Variants in EPC1 observed in about 807,000 individuals in gnomAD.
EPC1 encodes enhancer of polycomb 1, also known as enhancer of polycomb homolog 1.
In EPC1, 12 loss-of-function variants were observed where a neutral mutation model predicts 98.4. The ratio of observed to expected loss-of-function variants is 0.12; its 90% CI spans 0.08 to 0.20. EPC1 has a LOEUF of 0.20. EPC1 is among the 10% of genes least tolerant of loss of function. The probability of loss-of-function intolerance (pLI) is 1.00; values close to 1 mark genes in which losing one functional copy is unlikely to be tolerated. For synonymous variants in EPC1, 357 were observed against 363.9 expected (o/e 0.98, Z 0.21); for missense variants, 729 against 990.5 (o/e 0.74, Z 3.54).
Position 32,305,779 on chromosome 10 carries a change from G to A in EPC1, c.306C>T (p.His102=), listed in dbSNP as rs1189650741. Residue 102 remains histidine, a synonymous_variant, in exon 2 of 14, where the codon CAC becomes CAT. Transcript: ENST00000319778. ...GEFKMPKQLI[H]IQPFSLDAEQ... The stretch of plus-strand genomic sequence containing the variant: ...AAGAGAATCATTACTTACGCTGTAT[G>A]TGAATGAGCTGCTTTGGCATCTTAA... 7 of 1,599,156 alleles carry A rather than the reference G, an allele frequency of 4.4e-6. No homozygotes were observed. The South Asian group carries it at 4.6e-5, about 10-fold the overall frequency.
chr10:32,378,509 A>G, exon 1 of EPC1: 1 of 1,543,740 alleles, frequency 6.5e-7, no homozygotes. Flanking sequence ...CAGGCAAAGA[A>G]GACGGCAGTT....
At chr10:32,296,764 G>T (rs552111415) in intron 2 of EPC1, among the ~76,000 whole-genome samples, 22 of 152,186 alleles carry the variant, frequency 1.4e-4, no homozygotes, top group Admixed American at 1.3e-3. Flanking sequence ...AAATTTAGCT[G>T]GGCGTGGTGG....
chr10:32,329,963 G>A (rs1392878638), intron 1 of EPC1, among the ~76,000 whole-genome samples: 1 of 152,198 alleles, frequency 6.6e-6, no homozygotes. Context: ...CAACCCACAG[G>A]GGAATGGTGT....
chr10:32,376,971 C>A (rs1839883878), intron 1 of EPC1: 1 of 152,080 alleles, frequency 6.6e-6, no homozygotes, highest in South Asian at 2.1e-4. Context: ...TTTACAGAGA[C>A]CAGTAAAACC....
intron 2 of EPC1, among the ~76,000 whole-genome samples, chr10:32,303,779 C>T (rs936130732): frequency 6.6e-6 from 1 of 152,222 alleles, no homozygotes; most frequent in East Asian, 1.9e-4. Context: ...CACACACACA[C>T]ATATGTGGTA....
intron 4 of EPC1, 38 bp from the exon 5 acceptor site, chr10:32,292,682 A>T: frequency 6.4e-7 from 1 of 1,574,176 alleles, no homozygotes; most frequent in Non-Finnish European, 8.6e-7. Context: ...GTTAGTAAGT[A>T]TTTCTAACTA....
At chr10:32,368,022 C>T (rs1395848826) in intron 1 of EPC1, among the ~76,000 whole-genome samples, 1 of 152,198 alleles carries the variant, frequency 6.6e-6, no homozygotes, top group Admixed American at 6.5e-5. Context: ...CCAGTGTCCA[C>T]ACTTACTGAA....
intron 1 of EPC1, among the ~76,000 whole-genome samples, chr10:32,314,610 T>C (rs1329298480): frequency 6.6e-6 from 1 of 152,240 alleles, no homozygotes; most frequent in African/African-American, 2.4e-5. Context: ...GCTTACACCA[T>C]GAAAAACATT....
At chr10:32,274,170 T>C (rs1244398276) in intron 10 of EPC1, 1 of 151,618 alleles carries the variant, frequency 6.6e-6, no homozygotes, top group East Asian at 1.9e-4. Flanking sequence ...ACAATACCTC[T>C]GATTTTAAAG....
chr10:32,331,476 GTAAAA>G (rs1837637258), intron 1 of EPC1, among the ~76,000 whole-genome samples: 1 of 151,566 alleles, frequency 6.6e-6, no homozygotes, highest in African/African-American at 2.4e-5. Context: ...AGTTTATAGA[GTAAAA>G]TAACTGGTTT....
chr10:32,347,408 C>T (rs557565141), upstream of EPC1: 1,380 of 167,920 alleles, frequency 8.2e-3, 25 homozygotes, highest in African/African-American at 0.029. Flanking sequence ...TCGTGCTCTC[C>T]TGCAGCGCAC....
At chr10:32,306,690 T>C (rs535884416) in intron 1 of EPC1, among the ~76,000 whole-genome samples, 1 of 152,278 alleles carries the variant, frequency 6.6e-6, no homozygotes, top group East Asian at 1.9e-4. Context: ...GTGAATAAAA[T>C]GTTTAGTATA....
At chr10:32,269,515 A>C (rs1231860310) in intron 13 of EPC1, 1 of 201,388 alleles carries the variant, frequency 5.0e-6, no homozygotes, top group African/African-American at 2.4e-5. Context: ...AAATCAGTCT[A>C]ATACATGGAG....
rs559912111 is a variant in EPC1 at position 32,376,298 on chromosome 10, T to C, written c.3+2193A>G. ...AGGGGGCTACCTTATATACACATGTTTAGTTTTCAGAGATTAAATAAAATA... is the reference window on the plus strand; with the variant it reads ...AGGGGGCTACCTTATATACACATGTCTAGTTTTCAGAGATTAAATAAAATA... On this transcript the variant is annotated intron_variant, in intron 1 of 13. Transcript: ENST00000375110. 4.6e-5 allele frequency among the ~76,000 whole-genome samples: 7 copies of C among 152,182 alleles called. No individual in the cohort carries two copies. The South Asian group carries it at 1.5e-3, about 32-fold the overall frequency.
In EPC1 at chr10:32,293,212, A is replaced by G; in HGVS notation, c.460-18T>C. On this transcript the variant is annotated intron_variant, in intron 3 of 13. Transcript: ENST00000319778. Reference sequence around the variant, plus strand: ...CTGACTGGCTAAATGTAAAACCATTATGTCATTTTCATACAATACACATAC... The same window carrying G: ...CTGACTGGCTAAATGTAAAACCATTGTGTCATTTTCATACAATACACATAC... 1.3e-6 allele frequency: 2 copies of G among 1,582,748 alleles called. No individual in the cohort carries two copies. The highest frequency in any genetic ancestry group is 8.7e-7 in the Non-Finnish European group (1 of 1,155,094).
At chr10:32,372,874 A>T (rs1012621597) in intron 1 of EPC1, among the ~76,000 whole-genome samples, 1 of 152,160 alleles carries the variant, frequency 6.6e-6, no homozygotes, top group Non-Finnish European at 1.5e-5. Flanking sequence ...TACAAAAAAA[A>T]TTAGCTGGGT....
At chr10:32,356,780 C>T (rs992854903) in intron 1 of EPC1, among the ~76,000 whole-genome samples, 14 of 152,008 alleles carry the variant, frequency 9.2e-5, no homozygotes, top group Non-Finnish European at 1.8e-4. Flanking sequence ...GTCAGGAGAT[C>T]GAGACCATCC....
In EPC1 at chr10:32,271,924, A is replaced by G; in HGVS notation, c.2006-7T>C. On this transcript the variant is annotated splice_polypyrimidine_tract_variant and splice_region_variant and intron_variant, in intron 12 of 13. Coordinates refer to ENST00000319778, the MANE Select transcript of EPC1 (RefSeq NM_001272004.3). ...TGTAAGCCCTTGTATACTCCTAGAG[A>G]GAAAAAGAAAGAAACATCTAAACAA... 1.2e-6 allele frequency: 2 copies of G among 1,605,836 alleles called. No homozygotes were observed. Among genetic ancestry groups the G allele is most frequent in the East Asian group, 4.5e-5 (2 of 44,814 alleles).
chr10:32,290,505 A>AAAAAAAGAAAG (rs1554819136), intron 6 of EPC1, among the ~76,000 whole-genome samples: 2 of 77,526 alleles, frequency 2.6e-5, no homozygotes, highest in Admixed American at 1.6e-4. Context: ...AAAAAAAAAA[A>AAAAAAAGAAAG]AAAGAAAGAA....
Sources: allele counts gnomAD v4.1 joint callset (sites outside exome capture counted in the v4.1 genomes callset), GRCh38; gene constraint gnomAD v4.1.1; transcripts MANE v1.5; gene names NCBI Gene and HGNC (gene_info 2026-07-23, HGNC 2026-07-21).